Variants in SEMA6D observed in about 807,000 individuals in gnomAD.
SEMA6D encodes the protein semaphorin-6D.
In SEMA6D, 35 loss-of-function variants were observed where a neutral mutation model predicts 106.6. The ratio of observed to expected loss-of-function variants is 0.33; its 90% CI spans 0.25 to 0.44. SEMA6D has a LOEUF of 0.44. Among genes scored for constraint, SEMA6D ranks in the 20% least tolerant of loss-of-function variants. The pLI, the probability that SEMA6D is intolerant of heterozygous loss-of-function variation, is 1.00. For missense variants in SEMA6D, 1,185 were observed against 1,345.9 expected (o/e 0.88, Z 1.87); for synonymous variants, 499 against 487.7 (o/e 1.02, Z -0.31).
chr15:47,496,479 A>G (rs2043662183), intron 3 of SEMA6D, among the ~76,000 whole-genome samples: 2 of 151,932 alleles, frequency 1.3e-5, no homozygotes, highest in South Asian at 2.1e-4. Context: ...CCTACATTTA[A>G]TACATACTCC....
chr15:47,223,747 A>G (rs1007585863), intron 1 of SEMA6D, among the ~76,000 whole-genome samples: 1 of 152,090 alleles, frequency 6.6e-6, no homozygotes, highest in Non-Finnish European at 1.5e-5. Context: ...GTAAAACTGT[A>G]GAGAACTTGG....
At chr15:47,221,995 G>T (rs1006797450) in intron 1 of SEMA6D, among the ~76,000 whole-genome samples, 1 of 151,862 alleles carries the variant, frequency 6.6e-6, no homozygotes, top group Non-Finnish European at 1.5e-5. Flanking sequence ...TGATGCACAA[G>T]CAAGCGCACA....
intron 1 of SEMA6D, among the ~76,000 whole-genome samples, chr15:47,367,727 CAG>C (rs1229585973): frequency 9.5e-4 from 140 of 147,986 alleles, no homozygotes; most frequent in Middle Eastern, 3.5e-3. Flanking sequence ...CACACACACA[CAG>C]AGAGAGAGAA....
intron 1 of SEMA6D, among the ~76,000 whole-genome samples, chr15:47,753,682 T>G (rs145187667): frequency 6.0e-4 from 91 of 152,262 alleles, no homozygotes; most frequent in African/African-American, 2.1e-3. Context: ...CTGAGGCTAG[T>G]AAAGTCTTCG....
intron 3 of SEMA6D, among the ~76,000 whole-genome samples, chr15:47,471,186 G>A (rs550438905): frequency 5.9e-5 from 9 of 152,254 alleles, no homozygotes; most frequent in South Asian, 2.1e-4. Flanking sequence ...ACAGTGACAC[G>A]GCATTGGGTG....
chr15:47,203,800 T>C (rs142246746), intron 1 of SEMA6D, among the ~76,000 whole-genome samples: 10 of 152,350 alleles, frequency 6.6e-5, no homozygotes, highest in African/African-American at 2.4e-4. Flanking sequence ...AGTTATTGAA[T>C]GAATCTAATT....
At chr15:47,407,425 AAC>A (rs2040630165) in intron 1 of SEMA6D, among the ~76,000 whole-genome samples, 1 of 151,382 alleles carries the variant, frequency 6.6e-6, no homozygotes, top group Non-Finnish European at 1.5e-5. Context: ...AAACAAAAAA[AAC>A]AAACAAAAAT....
At chr15:47,207,969 G>C (rs1895189090) in intron 1 of SEMA6D, among the ~76,000 whole-genome samples, 1 of 145,628 alleles carries the variant, frequency 6.9e-6, no homozygotes, top group Non-Finnish European at 1.5e-5. Flanking sequence ...TGTGGAAACA[G>C]GTACAGTAGC....
At chr15:47,586,507 G>A (rs2076342759) in intron 3 of SEMA6D, among the ~76,000 whole-genome samples, 1 of 152,114 alleles carries the variant, frequency 6.6e-6, no homozygotes, top group Non-Finnish European at 1.5e-5. Context: ...TCTCAGATTG[G>A]CTAGGAAGAC....
intron 3 of SEMA6D, among the ~76,000 whole-genome samples, chr15:47,488,240 C>G (rs1007323812): frequency 6.6e-6 from 1 of 152,016 alleles, no homozygotes; most frequent in Non-Finnish European, 1.5e-5. Flanking sequence ...AAAACCCTTT[C>G]TTTCTCTCAT....
At chr15:47,720,290 A>G (rs1017763361) in intron 1 of SEMA6D, among the ~76,000 whole-genome samples, 1 of 106,222 alleles carries the variant, frequency 9.4e-6, no homozygotes, top group Non-Finnish European at 1.8e-5. Context: ...TTTTTGGAAC[A>G]TTTCTGTGAC....
intron 3 of SEMA6D, among the ~76,000 whole-genome samples, chr15:47,589,723 C>A (rs147488250): frequency 6.6e-6 from 1 of 152,212 alleles, no homozygotes; most frequent in Non-Finnish European, 1.5e-5. Flanking sequence ...CCCTCGAGAA[C>A]AGCAACTCAT....
At chr15:47,348,727 CAGAGAGAGAGAGAGAGAG>C (rs55719976) in intron 1 of SEMA6D, among the ~76,000 whole-genome samples, 53 of 57,068 alleles carry the variant, frequency 9.3e-4, no homozygotes, top group South Asian at 8.2e-3. Flanking sequence ...ACCACACACA[CAGAGAGAGAGAGAGAGAG>C]AGAGAGAGAG....
chr15:47,459,275 A>G (rs1222908388), intron 2 of SEMA6D, among the ~76,000 whole-genome samples: 1 of 152,046 alleles, frequency 6.6e-6, no homozygotes, highest in East Asian at 1.9e-4. Flanking sequence ...AGCAGCCTTC[A>G]GACAACAGCC....
At chr15:47,481,273 A>G (rs1376935753) in intron 3 of SEMA6D, among the ~76,000 whole-genome samples, 2 of 152,172 alleles carry the variant, frequency 1.3e-5, no homozygotes, top group Non-Finnish European at 1.5e-5. Context: ...GCAGGGTTCT[A>G]AAACTATACT....
At chr15:47,369,805 G>T (rs2039203400) in intron 1 of SEMA6D, among the ~76,000 whole-genome samples, 1 of 152,194 alleles carries the variant, frequency 6.6e-6, no homozygotes, top group Non-Finnish European at 1.5e-5. Flanking sequence ...ACAATGAGCA[G>T]TAAGCAGTCA....
chr15:47,566,049 T>C (rs1319898935), intron 3 of SEMA6D, among the ~76,000 whole-genome samples: 1 of 152,250 alleles, frequency 6.6e-6, no homozygotes, highest in Non-Finnish European at 1.5e-5. Flanking sequence ...ACAGTTACTT[T>C]CCTAGCACGT....
chr15:47,334,966 C>T (rs575949220), intron 1 of SEMA6D, among the ~76,000 whole-genome samples: 31 of 152,238 alleles, frequency 2.0e-4, no homozygotes, highest in South Asian at 6.2e-4. Flanking sequence ...AAGAGACTTC[C>T]GAGTCAGGCC....
intron 4 of SEMA6D, among the ~76,000 whole-genome samples, chr15:47,703,080 T>C (rs1260708994): frequency 6.6e-6 from 1 of 152,188 alleles, no homozygotes; most frequent in Non-Finnish European, 1.5e-5. Context: ...TATTTATTTA[T>C]TAAGAGCAAA....
Sources: gnomAD v4.1 joint callset for allele counts (sites outside exome capture counted in the v4.1 genomes callset) on GRCh38, gnomAD v4.1.1 for gene constraint, MANE v1.5 for transcripts, NCBI Gene and HGNC (gene_info 2026-07-23, HGNC 2026-07-21) for gene names.